Variants in CNTNAP2 observed in about 807,000 individuals in gnomAD.
CNTNAP2 encodes contactin associated protein 2, also known as contactin-associated protein-like 2.
Under a neutral mutation model 155.2 loss-of-function variants are expected in CNTNAP2, and 98 were observed. The observed-to-expected ratio is 0.63, with a 90% CI of 0.54 to 0.75. CNTNAP2 has a LOEUF of 0.75. CNTNAP2 is among the 30% of genes least tolerant of loss of function. The pLI is 0.00. For missense variants in CNTNAP2, 1,727 were observed against 1,688.1 expected, an observed-to-expected ratio of 1.02 and a Z score of -0.40; for synonymous variants, 651 against 631.2, an observed-to-expected ratio of 1.03 and a Z score of -0.47.
chr7:147,675,088 A>G (rs1407776480), intron 13 of CNTNAP2, among the ~76,000 whole-genome samples: 1 of 152,046 alleles, frequency 6.6e-6, no homozygotes, highest in Non-Finnish European at 1.5e-5. Context: ...CATAAGGCCA[A>G]ACCTCCTTCA....
At chr7:147,683,217 C>T (rs1795972852) in intron 13 of CNTNAP2, among the ~76,000 whole-genome samples, 1 of 151,530 alleles carries the variant, frequency 6.6e-6, no homozygotes, top group African/African-American at 2.4e-5. Context: ...CCAACATTCC[C>T]ATGAAGGACA....
At chr7:147,685,546 T>C (rs1796005770) in intron 13 of CNTNAP2, among the ~76,000 whole-genome samples, 1 of 152,018 alleles carries the variant, frequency 6.6e-6, no homozygotes, top group Admixed American at 6.6e-5. Context: ...GAGTGTATTA[T>C]GTTTTCACTG....
chr7:147,562,060 C>T, intron 11 of CNTNAP2, 78 bp from the exon 12 acceptor site: 1 of 1,584,680 alleles, frequency 6.3e-7, no homozygotes. Flanking sequence ...GCTAGCATTG[C>T]AATATGCCAC....
At chr7:146,331,312 AAAAAAT>A (rs1440224188) in intron 1 of CNTNAP2, among the ~76,000 whole-genome samples, 6 of 148,958 alleles carry the variant, frequency 4.0e-5, no homozygotes, top group Admixed American at 3.3e-4. Flanking sequence ...TCAAAAAAAA[AAAAAAT>A]AAAAATAACC....
At chr7:146,956,119 A>G (rs772803413) in intron 3 of CNTNAP2, among the ~76,000 whole-genome samples, 1 of 152,096 alleles carries the variant, frequency 6.6e-6, no homozygotes, top group Non-Finnish European at 1.5e-5. Flanking sequence ...GTTGTAATAC[A>G]AGTTGGTTTA....
At chr7:147,272,664 A>ATTTTTTTTTTT (rs71182188) in intron 8 of CNTNAP2, among the ~76,000 whole-genome samples, 85 of 138,846 alleles carry the variant, frequency 6.1e-4, no homozygotes, top group South Asian at 1.1e-3. Flanking sequence ...CGCCCGGCTA[A>ATTTTTTTTTTT]TTTTTTTTTT....
chr7:148,089,851 A>G (rs767797716), intron 15 of CNTNAP2, among the ~76,000 whole-genome samples: 199 of 151,998 alleles, frequency 1.3e-3, no homozygotes, highest in Non-Finnish European at 1.4e-3. Context: ...CAACAGAGAG[A>G]TATCACATGA....
At chr7:147,169,565 G>T (rs2116472890) in intron 8 of CNTNAP2, among the ~76,000 whole-genome samples, 1 of 148,872 alleles carries the variant, frequency 6.7e-6, no homozygotes, top group South Asian at 2.2e-4. Context: ...ATTTTCTTAG[G>T]ATAATGGCCT....
At chr7:148,303,224 C>T (rs910793274) in intron 21 of CNTNAP2, among the ~76,000 whole-genome samples, 5 of 152,048 alleles carry the variant, frequency 3.3e-5, no homozygotes, top group Non-Finnish European at 7.4e-5. Flanking sequence ...ATCCTGAAGA[C>T]GAAGGATTTC....
At chr7:146,425,453 G>C (rs745875647) in intron 1 of CNTNAP2, among the ~76,000 whole-genome samples, 117 of 152,172 alleles carry the variant, frequency 7.7e-4, no homozygotes, top group Non-Finnish European at 1.3e-3. Context: ...AGAGCAATCA[G>C]TATTGGTAAA....
intron 11 of CNTNAP2, among the ~76,000 whole-genome samples, chr7:147,496,329 T>C (rs2116658412): frequency 6.6e-6 from 1 of 152,238 alleles, no homozygotes; most frequent in South Asian, 2.1e-4. Context: ...CTGAATGATA[T>C]TTAAGTTTTC....
At chr7:147,721,341 A>T (rs1346724353) in intron 13 of CNTNAP2, among the ~76,000 whole-genome samples, 1 of 152,084 alleles carries the variant, frequency 6.6e-6, no homozygotes, top group Admixed American at 6.6e-5. Flanking sequence ...CAGAATATAT[A>T]TGTTATGGGT....
At chr7:147,759,748 A>G (rs1390426646) in intron 13 of CNTNAP2, among the ~76,000 whole-genome samples, 2 of 152,156 alleles carry the variant, frequency 1.3e-5, no homozygotes. Context: ...CATCGTTTCC[A>G]CAAGGAAGCC....
intron 3 of CNTNAP2, among the ~76,000 whole-genome samples, chr7:146,843,115 C>T (rs1472402764): frequency 8.1e-6 from 1 of 124,090 alleles, no homozygotes; most frequent in Non-Finnish European, 1.6e-5. Flanking sequence ...CAGGTTCACG[C>T]CATTCTCCTG....
chr7:146,789,693 C>T (rs1802637133), intron 2 of CNTNAP2, among the ~76,000 whole-genome samples: 1 of 151,122 alleles, frequency 6.6e-6, no homozygotes, highest in South Asian at 2.1e-4. Context: ...TTCTCTCTAC[C>T]AGAAAAGAAT....
At chr7:147,227,745 GCTCTCTACT>G (rs1349518659) in intron 8 of CNTNAP2, among the ~76,000 whole-genome samples, 5 of 152,148 alleles carry the variant, frequency 3.3e-5, no homozygotes, top group Admixed American at 1.3e-4. Context: ...TTGACTTTGG[GCTCTCTACT>G]CATGATTCCA....
chr7:147,487,746 G>A (rs868591151), intron 11 of CNTNAP2, among the ~76,000 whole-genome samples: 21 of 152,082 alleles, frequency 1.4e-4, no homozygotes, highest in African/African-American at 5.1e-4. Context: ...GAGTAGCTGA[G>A]GTTTGTTTTG....
chr7:148,372,274 C>A (rs746121699), intron 21 of CNTNAP2, among the ~76,000 whole-genome samples: 4 of 152,020 alleles, frequency 2.6e-5, no homozygotes, highest in Non-Finnish European at 5.9e-5. Context: ...TGAAGCTTGG[C>A]AGGACTGGAA....
At chr7:148,087,876 T>C (rs1173985526) in intron 15 of CNTNAP2, among the ~76,000 whole-genome samples, 1 of 152,172 alleles carries the variant, frequency 6.6e-6, no homozygotes, top group Non-Finnish European at 1.5e-5. Flanking sequence ...GTTATTTTAA[T>C]GTCATAAGCT....
Sources: allele counts gnomAD v4.1 joint callset (sites outside exome capture counted in the v4.1 genomes callset), GRCh38; gene constraint gnomAD v4.1.1; transcripts MANE v1.5; gene names NCBI Gene and HGNC (gene_info 2026-07-23, HGNC 2026-07-21).